ERC2: variants seen among roughly 807,000 people sequenced by gnomAD.
ERC2 encodes the protein ERC protein 2.
A neutral mutation model predicts 114.8 loss-of-function variants in ERC2; 42 were observed. The observed-to-expected ratio is 0.37, with a 90% CI of 0.29 to 0.47. ERC2 has a LOEUF of 0.47. ERC2 is among the 20% of genes least tolerant of loss of function. ERC2 has a pLI of 0.99. For missense variants in ERC2, 939 were observed against 1,150.7 expected, an observed-to-expected ratio of 0.82 and a Z score of 2.66; for synonymous variants, 454 against 425.5, an observed-to-expected ratio of 1.07 and a Z score of -0.82.
chr3:56,098,518 T>C (rs2078182558), intron 6 of ERC2, among the ~76,000 whole-genome samples: 1 of 152,196 alleles, frequency 6.6e-6, no homozygotes, highest in Non-Finnish European at 1.5e-5. Context: ...TTCGTGTCCA[T>C]TTACATTAAG....
At chr3:55,733,542 T>TCTCTCTCTCACACACA (rs377515133) in intron 15 of ERC2, among the ~76,000 whole-genome samples, 1 of 107,806 alleles carries the variant, frequency 9.3e-6, no homozygotes, top group African/African-American at 3.7e-5. Flanking sequence ...TCTCTCTCTC[T>TCTCTCTCTCACACACA]CACACACACA....
intron 14 of ERC2, among the ~76,000 whole-genome samples, chr3:55,852,938 T>A (rs914487713): frequency 1.3e-5 from 2 of 152,260 alleles, no homozygotes; most frequent in Non-Finnish European, 2.9e-5. Context: ...GAGGCTGTCC[T>A]GTGCACTACA....
At chr3:55,891,001 T>G (rs2315945) in intron 13 of ERC2, among the ~76,000 whole-genome samples, 56,584 of 152,038 alleles carry the variant, frequency 0.37, 13,175 homozygotes, top group African/African-American at 0.66. Context: ...TCTAGAGAAC[T>G]GAAAACTGTT....
At chr3:56,106,325 A>T (rs2078662181) in intron 6 of ERC2, among the ~76,000 whole-genome samples, 1 of 152,204 alleles carries the variant, frequency 6.6e-6, no homozygotes, top group Admixed American at 6.5e-5. Context: ...AAATAGATAG[A>T]AGTTCACCTG....
intron 3 of ERC2, among the ~76,000 whole-genome samples, chr3:56,195,493 G>A (rs1298802412): frequency 1.3e-5 from 1 of 75,278 alleles, no homozygotes; most frequent in Non-Finnish European, 3.3e-5. Flanking sequence ...TTGTGTGTGC[G>A]TGTGTGCGTG....
chr3:56,456,995 G>C (rs952314902), intron 1 of ERC2, among the ~76,000 whole-genome samples: 5 of 152,204 alleles, frequency 3.3e-5, no homozygotes, highest in Non-Finnish European at 7.3e-5. Context: ...ACGGGATATT[G>C]AATAGTGTTC....
At chr3:56,148,247 T>C (rs2081245822) in intron 5 of ERC2, among the ~76,000 whole-genome samples, 1 of 152,230 alleles carries the variant, frequency 6.6e-6, no homozygotes, top group Non-Finnish European at 1.5e-5. Flanking sequence ...GACTCAAAAC[T>C]ATTTATGTCT....
chr3:56,260,382 C>T (rs1210431466), intron 3 of ERC2, among the ~76,000 whole-genome samples: 1 of 152,192 alleles, frequency 6.6e-6, no homozygotes, highest in Non-Finnish European at 1.5e-5. Flanking sequence ...AATGAGATGT[C>T]GCCAAGGGCC....
At chr3:56,004,550 C>T (rs1321153572) in intron 10 of ERC2, among the ~76,000 whole-genome samples, 1 of 152,024 alleles carries the variant, frequency 6.6e-6, no homozygotes, top group Non-Finnish European at 1.5e-5. Flanking sequence ...ATGTTCTCCA[C>T]AAACTTTTAT....
At chr3:56,283,814 G>A (rs575035103) in intron 3 of ERC2, among the ~76,000 whole-genome samples, 18 of 152,250 alleles carry the variant, frequency 1.2e-4, no homozygotes, top group Non-Finnish European at 2.2e-4. Context: ...AAAAGAAAGC[G>A]GCACAGATAA....
At chr3:55,898,798 C>T (rs1009411482) in intron 13 of ERC2, among the ~76,000 whole-genome samples, 2 of 152,068 alleles carry the variant, frequency 1.3e-5, no homozygotes, top group African/African-American at 4.8e-5. Context: ...CCAAGAAACC[C>T]GCTTTGTAAC....
intron 17 of ERC2, among the ~76,000 whole-genome samples, chr3:55,520,065 G>A (rs1472625519): frequency 3.2e-5 from 4 of 124,260 alleles, no homozygotes; most frequent in African/African-American, 1.3e-4. Context: ...CAAAAAAAAA[G>A]GAAAAAAAAG....
chr3:56,458,965 G>T (rs542902582), intron 1 of ERC2, among the ~76,000 whole-genome samples: 1 of 152,284 alleles, frequency 6.6e-6, no homozygotes, highest in South Asian at 2.1e-4. Flanking sequence ...TCTGCCTCAA[G>T]CCAGGCACAA....
intron 6 of ERC2, among the ~76,000 whole-genome samples, chr3:56,082,170 T>C (rs1053489990): frequency 1.3e-5 from 2 of 152,162 alleles, no homozygotes; most frequent in African/African-American, 4.8e-5. Flanking sequence ...TTGCTCAAAA[T>C]TCATAAATTG....
At chr3:55,559,909 A>G (rs1050517649) in intron 17 of ERC2, among the ~76,000 whole-genome samples, 8 of 152,236 alleles carry the variant, frequency 5.3e-5, no homozygotes, top group Admixed American at 4.6e-4. Flanking sequence ...ACGGATGGCC[A>G]TGCTATCTTG....
intron 5 of ERC2, 130 bp from the exon 6 acceptor site, chr3:56,139,806 G>T: frequency 9.8e-7 from 1 of 1,021,158 alleles, no homozygotes; most frequent in Non-Finnish European, 1.4e-6. Flanking sequence ...CCACGAATTT[G>T]CTTAAAAAAG....
At chr3:55,724,283 G>A (rs2064771806) in intron 15 of ERC2, among the ~76,000 whole-genome samples, 1 of 152,202 alleles carries the variant, frequency 6.6e-6, no homozygotes, top group African/African-American at 2.4e-5. Context: ...GTCATGGCGG[G>A]AGCCAGCAGG....
intron 15 of ERC2, among the ~76,000 whole-genome samples, chr3:55,704,753 G>A (rs2063396566): frequency 6.6e-6 from 1 of 152,200 alleles, no homozygotes; most frequent in African/African-American, 2.4e-5. Context: ...GGAATGTGCC[G>A]CATTGGGGAA....
chr3:56,033,934 AG>A (rs2074631213), intron 7 of ERC2, among the ~76,000 whole-genome samples: 1 of 152,138 alleles, frequency 6.6e-6, no homozygotes, highest in African/African-American at 2.4e-5. Flanking sequence ...ACAGACTAGC[AG>A]CAGTAAGTCC....
Sources: allele counts gnomAD v4.1 joint callset (sites outside exome capture counted in the v4.1 genomes callset), GRCh38; gene constraint gnomAD v4.1.1; transcripts MANE v1.5; gene names NCBI Gene and HGNC (gene_info 2026-07-23, HGNC 2026-07-21).